TBC1D4: variants seen among roughly 807,000 people sequenced by gnomAD.
The protein encoded by TBC1D4 is TBC (Tre-2, BUB2, CDC16) domain-containing protein.
A neutral mutation model predicts 142.5 loss-of-function variants in TBC1D4; 121 were observed. The observed-to-expected ratio is 0.85, with a 90% CI of 0.73 to 0.99. TBC1D4 has a LOEUF of 0.99. TBC1D4 is among the 50% of genes least tolerant of loss of function. The pLI, the probability that TBC1D4 is intolerant of heterozygous loss-of-function variation, is 0.00. For synonymous variants in TBC1D4, 630 were observed against 628.2 expected, an observed-to-expected ratio of 1.00 and a Z score of -0.04; for missense variants, 1,475 against 1,606.6, an observed-to-expected ratio of 0.92 and a Z score of 1.40.
chr13:75,373,202 C>T (rs1237802390), intron 1 of TBC1D4, among the ~76,000 whole-genome samples: 3 of 152,200 alleles, frequency 2.0e-5, no homozygotes, highest in Non-Finnish European at 4.4e-5. Flanking sequence ...AAAAACGCCA[C>T]ACATTTCTCA....
At chr13:75,379,556 T>G (rs1177202301) in intron 1 of TBC1D4, among the ~76,000 whole-genome samples, 2 of 152,214 alleles carry the variant, frequency 1.3e-5, no homozygotes, top group East Asian at 3.8e-4. Context: ...TCCAATAGCC[T>G]CTTCTGAAAC....
intron 13 of TBC1D4, 76 bp from the exon 14 acceptor site, chr13:75,310,227 C>T: frequency 7.2e-7 from 1 of 1,385,814 alleles, no homozygotes; most frequent in East Asian, 2.4e-5. Context: ...AATTCACATT[C>T]TCATCTGATC....
chr13:75,383,765 T>A (rs1314171060), intron 1 of TBC1D4, among the ~76,000 whole-genome samples: 1 of 152,178 alleles, frequency 6.6e-6, no homozygotes, highest in Non-Finnish European at 1.5e-5. Flanking sequence ...CAGGCATCCA[T>A]GAGGGGTCTT....
chr13:75,472,666 AGAAAGAAATCCAAT>A (rs1233123327), intron 1 of TBC1D4, among the ~76,000 whole-genome samples: 84 of 152,334 alleles, frequency 5.5e-4, no homozygotes, highest in African/African-American at 1.9e-3. Flanking sequence ...TTCCATGACT[AGAAAGAAATCCAAT>A]CAGGCAAGTA....
chr13:75,412,702 T>A (rs1885731865), intron 1 of TBC1D4, among the ~76,000 whole-genome samples: 1 of 152,216 alleles, frequency 6.6e-6, no homozygotes, highest in Non-Finnish European at 1.5e-5. Context: ...AATGAAGTCA[T>A]TAGGTCTTCC....
At chr13:75,366,383 C>A (rs146954577) in intron 1 of TBC1D4, among the ~76,000 whole-genome samples, 1 of 152,224 alleles carries the variant, frequency 6.6e-6, no homozygotes, top group African/African-American at 2.4e-5. Flanking sequence ...TCATCGAGAT[C>A]CACATTCTGT....
chr13:75,456,367 T>C (rs1223150501), intron 1 of TBC1D4, among the ~76,000 whole-genome samples: 1 of 152,130 alleles, frequency 6.6e-6, no homozygotes, highest in Non-Finnish European at 1.5e-5. Flanking sequence ...CAAAAGAGAA[T>C]GAAAATCGAA....
intron 14 of TBC1D4, among the ~76,000 whole-genome samples, chr13:75,308,367 G>A (rs1410112846): frequency 2.0e-5 from 3 of 152,084 alleles, no homozygotes; most frequent in African/African-American, 7.2e-5. Context: ...ATACTGTGGG[G>A]TGCTGGGGAA....
chr13:75,419,559 C>T (rs1469081353), intron 1 of TBC1D4, among the ~76,000 whole-genome samples: 1 of 152,130 alleles, frequency 6.6e-6, no homozygotes, highest in Non-Finnish European at 1.5e-5. Flanking sequence ...ACTCTTCTAA[C>T]TCTTCTAATA....
chr13:75,341,226 G>C lies in TBC1D4; in HGVS notation c.1510C>G (p.Pro504Ala). ...DIFERVQKMK[P>A]VSDQEENELV... is the part of the protein sequence containing the mutation. ...TCATTTTCTTCCTGGTCACTGACTGGCTTCATTTTCTGTTCAACAGACAAA... is the reference window on the plus strand; with the variant it reads ...TCATTTTCTTCCTGGTCACTGACTGCCTTCATTTTCTGTTCAACAGACAAA... Residue 504 changes from proline (P) to alanine (A), a missense_variant, in exon 7 of 21, where the codon CCA (proline) becomes GCA (alanine). Coordinates refer to ENST00000377636, the MANE Select transcript of TBC1D4 (RefSeq NM_014832.5). 2.5e-6 allele frequency: 4 copies of C among 1,613,544 alleles called. No homozygotes were observed. The highest frequency in any genetic ancestry group is 3.4e-6 in the Non-Finnish European group (4 of 1,179,834).
At chr13:75,306,516 T>C (rs1877204202) in intron 14 of TBC1D4, 45 bp from the exon 15 acceptor site, 1 of 1,607,482 alleles carries the variant, frequency 6.2e-7, no homozygotes, top group Non-Finnish European at 8.5e-7. Context: ...GTTTTTCAAA[T>C]GTAAAACTTT....
intron 1 of TBC1D4, among the ~76,000 whole-genome samples, chr13:75,409,602 A>T (rs1167501294): frequency 2.6e-5 from 4 of 152,320 alleles, no homozygotes; most frequent in African/African-American, 9.6e-5. Context: ...TTCATTCCAC[A>T]GTTTGATGCA....
At chr13:75,311,227 G>C (rs1437036589) in intron 13 of TBC1D4, among the ~76,000 whole-genome samples, 1 of 152,152 alleles carries the variant, frequency 6.6e-6, no homozygotes, top group Non-Finnish European at 1.5e-5. Context: ...TCATCATGCT[G>C]AATTTCTCAT....
At chr13:75,293,632 T>C (rs192435078) in intron 18 of TBC1D4, among the ~76,000 whole-genome samples, 2 of 152,338 alleles carry the variant, frequency 1.3e-5, no homozygotes, top group East Asian at 3.9e-4. Context: ...TAGTGTATAT[T>C]CAATAAACAA....
intron 5 of TBC1D4, among the ~76,000 whole-genome samples, chr13:75,342,976 C>T (rs1880834352): frequency 6.6e-6 from 1 of 152,066 alleles, no homozygotes; most frequent in Non-Finnish European, 1.5e-5. Context: ...TGAATGTTTT[C>T]CATGTATTCT....
At chr13:75,291,963 T>G (rs1593862382) in intron 19 of TBC1D4, 139 bp downstream of exon 19, 1 of 771,864 alleles carries the variant, frequency 1.3e-6, no homozygotes, top group Non-Finnish European at 2.0e-6. Context: ...GTGTAGAAAT[T>G]TCACAATAGT....
intron 7 of TBC1D4, among the ~76,000 whole-genome samples, chr13:75,338,523 G>A (rs17064196): frequency 0.02 from 3,090 of 152,224 alleles, 40 homozygotes; most frequent in Middle Eastern, 0.037. Flanking sequence ...TTAGCTACGA[G>A]CAAGAAAACA....
At chr13:75,359,182 A>G (rs570069476) in intron 3 of TBC1D4, among the ~76,000 whole-genome samples, 4 of 152,228 alleles carry the variant, frequency 2.6e-5, no homozygotes. Context: ...TGACATCTTC[A>G]AAAGTTCTTT....
chr13:75,359,677 A>T, intron 3 of TBC1D4, 92 bp downstream of exon 3: 1 of 1,003,204 alleles, frequency 1.0e-6, no homozygotes, highest in Non-Finnish European at 1.5e-6. Flanking sequence ...AAAAAAAATT[A>T]AAATTTGAAG....
Sources: gnomAD v4.1 joint callset for allele counts (sites outside exome capture counted in the v4.1 genomes callset) on GRCh38, gnomAD v4.1.1 for gene constraint, MANE v1.5 for transcripts, NCBI Gene and HGNC (gene_info 2026-07-23, HGNC 2026-07-21) for gene names.